Variants in NRXN1 observed in about 807,000 individuals in gnomAD.
NRXN1 encodes neurexin-1.
Under a neutral mutation model 150.9 loss-of-function variants are expected in NRXN1, and 39 were observed. The observed-to-expected ratio is 0.26, with a 90% confidence interval of 0.20 to 0.34. The LOEUF (loss-of-function observed/expected upper bound fraction) is 0.34, where lower values mean the gene tolerates loss of function less well. NRXN1 is among the 10% of genes least tolerant of loss of function. The probability of loss-of-function intolerance (pLI) is 1.00; values close to 1 mark genes in which losing one functional copy is unlikely to be tolerated. For synonymous variants in NRXN1, 924 were observed against 757.0 expected (o/e 1.22, Z -3.62); for missense variants, 1,815 against 1,949.9 (o/e 0.93, Z 1.30).
At chr2:50,601,443 C>G (rs1676256753) in intron 8 of NRXN1, among the ~76,000 whole-genome samples, 1 of 152,132 alleles carries the variant, frequency 6.6e-6, no homozygotes, top group South Asian at 2.1e-4. Flanking sequence ...AACAGAAATT[C>G]TGATGAATTA....
chr2:50,860,934 G>A (rs959930677), intron 5 of NRXN1, among the ~76,000 whole-genome samples: 4 of 152,024 alleles, frequency 2.6e-5, no homozygotes, highest in Non-Finnish European at 4.4e-5. Context: ...TTGTTGCCTA[G>A]TTCTCTCAAA....
At chr2:50,666,604 A>G (rs887444785) in intron 5 of NRXN1, among the ~76,000 whole-genome samples, 2 of 151,954 alleles carry the variant, frequency 1.3e-5, no homozygotes, top group East Asian at 1.9e-4. Context: ...TGGTAAGGGC[A>G]TGACAATAAA....
chr2:50,649,437 C>A (rs1292678767), intron 5 of NRXN1, among the ~76,000 whole-genome samples: 2 of 151,944 alleles, frequency 1.3e-5, no homozygotes, highest in African/African-American at 4.8e-5. Flanking sequence ...CTCTGTAGCT[C>A]CCAAAACTTC....
chr2:50,627,684 C>G (rs1027765881), intron 5 of NRXN1, among the ~76,000 whole-genome samples: 6 of 151,302 alleles, frequency 4.0e-5, no homozygotes, highest in African/African-American at 9.7e-5. Flanking sequence ...TTTTACATTC[C>G]CACTGAATAA....
chr2:50,946,096 TG>T (rs1423294436), intron 2 of NRXN1, among the ~76,000 whole-genome samples: 1 of 151,892 alleles, frequency 6.6e-6, no homozygotes. Flanking sequence ...AAGAAACACC[TG>T]GCAGACTTAG....
At chr2:50,030,894 A>C (rs1339168213) in intron 21 of NRXN1, among the ~76,000 whole-genome samples, 1 of 152,086 alleles carries the variant, frequency 6.6e-6, no homozygotes, top group East Asian at 1.9e-4. Context: ...TTTCAGGCTC[A>C]AAATCCTGCA....
At chr2:50,760,290 C>A (rs1054211991) in intron 5 of NRXN1, among the ~76,000 whole-genome samples, 1 of 151,856 alleles carries the variant, frequency 6.6e-6, no homozygotes, top group Non-Finnish European at 1.5e-5. Context: ...TCTGTAAATT[C>A]AGAGAAGGGG....
rs34749359 is a variant in NRXN1, at chr2:49,974,755, C to CTTT, written c.4129-30967_4129-30965dup. On this transcript the variant is annotated intron_variant, in intron 21 of 22. Coordinates refer to ENST00000401669, the MANE Select transcript of NRXN1 (RefSeq NM_001330078.2). ...CAACATTAAGAAATACATTCTTAGGCTTTTTTTTTTTTGGCCAATTACAAC... is the reference window on the plus strand; with the variant it reads ...CAACATTAAGAAATACATTCTTAGGCTTTTTTTTTTTTTTTGGCCAATTACAAC... Among the ~76,000 whole-genome samples, 317 of 141,724 alleles carry CTTT rather than the reference C, an allele frequency of 2.2e-3. 2 individuals carry two copies. Among genetic ancestry groups the CTTT allele is most frequent in the South Asian group, 7.9e-3 (35 of 4,450 alleles). 93.0% of individuals were successfully genotyped at this position (141,724 alleles called of 152,430 possible).
At chr2:50,443,263 G>A (rs977017773) in intron 17 of NRXN1, among the ~76,000 whole-genome samples, 1 of 152,144 alleles carries the variant, frequency 6.6e-6, no homozygotes, top group African/African-American at 2.4e-5. Context: ...TAGATAAGCA[G>A]GATAAGACAG....
intron 5 of NRXN1, among the ~76,000 whole-genome samples, chr2:50,682,470 A>T (rs1690548036): frequency 6.6e-6 from 1 of 152,150 alleles, no homozygotes; most frequent in Non-Finnish European, 1.5e-5. Context: ...TGGCTTATCA[A>T]CATTAAATAA....
At chr2:50,484,739 C>A (rs920305924) in intron 15 of NRXN1, among the ~76,000 whole-genome samples, 1 of 152,160 alleles carries the variant, frequency 6.6e-6, no homozygotes, top group Non-Finnish European at 1.5e-5. Context: ...TATATAGATG[C>A]TATGCAAGGC....
chr2:50,160,654 T>C (rs1298866507), intron 18 of NRXN1, among the ~76,000 whole-genome samples: 1 of 152,070 alleles, frequency 6.6e-6, no homozygotes, highest in Non-Finnish European at 1.5e-5. Context: ...ACCTTAAAGA[T>C]TGCTCAAAAA....
intron 18 of NRXN1, among the ~76,000 whole-genome samples, chr2:50,192,820 G>T (rs1317442480): frequency 6.6e-6 from 1 of 152,154 alleles, no homozygotes; most frequent in Non-Finnish European, 1.5e-5. Context: ...ATGTTGGCCA[G>T]ACTGGTCTCA....
chr2:50,000,395 G>A (rs572645406), intron 21 of NRXN1, among the ~76,000 whole-genome samples: 16 of 152,200 alleles, frequency 1.1e-4, no homozygotes, highest in African/African-American at 3.9e-4. Context: ...GTCAATGGAA[G>A]CAGACATCAT....
chr2:50,294,878 T>G (rs2073378251), intron 17 of NRXN1, among the ~76,000 whole-genome samples: 1 of 152,132 alleles, frequency 6.6e-6, no homozygotes, highest in East Asian at 1.9e-4. Context: ...TACAAGTCTG[T>G]CCAGGTAAAA....
chr2:50,032,322 C>T (rs1377497047), intron 21 of NRXN1, among the ~76,000 whole-genome samples: 1 of 151,992 alleles, frequency 6.6e-6, no homozygotes, highest in East Asian at 1.9e-4. Flanking sequence ...CTGAAACTTT[C>T]TCTATTGTGA....
chr2:50,341,036 T>C (rs1209381770), intron 17 of NRXN1, among the ~76,000 whole-genome samples: 3 of 152,162 alleles, frequency 2.0e-5, no homozygotes, highest in East Asian at 3.9e-4. Flanking sequence ...GGTGAGAGTG[T>C]AGATGAATTA....
At chr2:50,333,272 AAGTC>A (rs1301036875) in intron 17 of NRXN1, among the ~76,000 whole-genome samples, 1 of 152,240 alleles carries the variant, frequency 6.6e-6, no homozygotes, top group Admixed American at 6.5e-5. Context: ...ACATGCGACT[AAGTC>A]AGGCCAATTA....
chr2:50,645,041 C>G (rs1452743669), intron 5 of NRXN1, among the ~76,000 whole-genome samples: 1 of 151,820 alleles, frequency 6.6e-6, no homozygotes, highest in Admixed American at 6.6e-5. Context: ...GAATTTCAAA[C>G]TTTCTGAATA....
Sources: gnomAD v4.1 joint callset for allele counts (sites outside exome capture counted in the v4.1 genomes callset) on GRCh38, gnomAD v4.1.1 for gene constraint, MANE v1.5 for transcripts, NCBI Gene and HGNC (gene_info 2026-07-23, HGNC 2026-07-21) for gene names.